ZNF676: variants seen among roughly 807,000 people sequenced by gnomAD.
The protein encoded by ZNF676 is zinc finger protein 676.
A neutral mutation model predicts 6.0 loss-of-function variants in ZNF676; 4 were observed. The ratio of observed to expected loss-of-function variants is 0.67; its 90% CI spans 0.33 to 1.53. ZNF676 has a LOEUF of 1.53. Ranked by LOEUF, ZNF676 falls within the 40% of genes most tolerant of loss-of-function variation. The pLI is 0.06. For synonymous variants in ZNF676, 198 were observed against 223.1 expected (o/e 0.89, Z 1.00); for missense variants, 644 against 679.7 (o/e 0.95, Z 0.58).
At chr19:22,195,027 T>C (rs1044826181) in intron 1 of ZNF676, among the ~76,000 whole-genome samples, 11 of 152,330 alleles carry the variant, frequency 7.2e-5, no homozygotes, top group East Asian at 1.9e-4. Context: ...CCAGGAGTAG[T>C]TGACTCCAAT....
chr19:22,197,965 A>G (rs1225972329), upstream of ZNF676, among the ~76,000 whole-genome samples: 2 of 152,186 alleles, frequency 1.3e-5, no homozygotes, highest in African/African-American at 2.4e-5. Context: ...CAAGATAGAG[A>G]TATCTCCCAT....
At chr19:22,190,760 A>G (rs1260822617) in intron 2 of ZNF676, among the ~76,000 whole-genome samples, 2 of 150,266 alleles carry the variant, frequency 1.3e-5, no homozygotes, top group Admixed American at 6.7e-5. Flanking sequence ...ATTTGTTACC[A>G]AATCATTCAG....
the ZNF676 span, among the ~76,000 whole-genome samples, chr19:22,241,845 A>C: frequency 6.6e-6 from 1 of 151,900 alleles, no homozygotes; most frequent in Non-Finnish European, 1.5e-5. Flanking sequence ...TACATATGAC[A>C]GTCACAATTC....
upstream of ZNF676, among the ~76,000 whole-genome samples, chr19:22,199,079 T>C (rs1248656698): frequency 6.6e-6 from 1 of 152,030 alleles, no homozygotes; most frequent in Non-Finnish European, 1.5e-5. Context: ...CAGGTGATAC[T>C]AATTAGAAGC....
intron 2 of ZNF676, among the ~76,000 whole-genome samples, chr19:22,188,909 G>A (rs975463304): frequency 8.6e-5 from 13 of 152,000 alleles, no homozygotes; most frequent in South Asian, 2.1e-4. Context: ...AATCAATATC[G>A]TGAAAATGGC....
chr19:22,204,087 A>T (rs1006546373), intron 1 of ZNF676: 1 of 152,296 alleles, frequency 6.6e-6, no homozygotes, highest in East Asian at 1.9e-4. Flanking sequence ...GAGCTATTAC[A>T]GTTTTTGAGT....
the ZNF676 span, among the ~76,000 whole-genome samples, chr19:22,233,915 C>T: frequency 6.6e-6 from 1 of 152,236 alleles, no homozygotes; most frequent in Admixed American, 6.5e-5. Flanking sequence ...ATACAAATAT[C>T]TTCACAGTTT....
chr19:22,180,178 G>A lies in ZNF676; in HGVS notation c.1539C>T (p.Ala513=). 3 of 1,611,274 alleles carry A rather than the reference G, an allele frequency of 1.9e-6. No homozygotes were observed. Among genetic ancestry groups the A allele is most frequent in the Admixed American group, 1.7e-5 (1 of 59,780 alleles). ...KRYKCEECGK[A]FSWSSILTEH... ...CAGTAAGGATCGAGGACCAGCTGAAGGCTTTGCCACATTCTTCACATTTGT... is the reference window on the plus strand; with the variant it reads ...CAGTAAGGATCGAGGACCAGCTGAAAGCTTTGCCACATTCTTCACATTTGT... The change falls in exon 3 of 3, where the codon GCC becomes GCT. Residue 513 remains alanine, a synonymous_variant. Transcript: ENST00000397121.
intron 1 of ZNF676, chr19:22,203,999 C>A (rs2024051883): frequency 6.6e-6 from 1 of 152,190 alleles, no homozygotes; most frequent in African/African-American, 2.4e-5. Flanking sequence ...CTTCCACCAG[C>A]ACTTTTTTAT....
At chr19:22,203,297 C>T (rs1311618252) in intron 1 of ZNF676, 3 of 153,144 alleles carry the variant, frequency 2.0e-5, no homozygotes, top group African/African-American at 4.8e-5. Flanking sequence ...AGAGATAGCT[C>T]TGAGAGTTCT....
chr19:22,252,593 G>T, the ZNF676 span, among the ~76,000 whole-genome samples: 62 of 152,326 alleles, frequency 4.1e-4, no homozygotes, highest in African/African-American at 1.2e-3. Context: ...GGGTGAGCCA[G>T]AGAGTAATAT....
chr19:22,185,783 G>C (rs979848478), intron 2 of ZNF676, among the ~76,000 whole-genome samples: 7 of 152,154 alleles, frequency 4.6e-5, no homozygotes, highest in African/African-American at 1.7e-4. Flanking sequence ...AAGGATATCA[G>C]AGATTGAAGA....
chr19:22,247,977 A>G, the ZNF676 span, among the ~76,000 whole-genome samples: 1 of 139,616 alleles, frequency 7.2e-6, no homozygotes, highest in African/African-American at 2.7e-5. Flanking sequence ...ATTCCCACCT[A>G]TGAGTGAGAA....
the ZNF676 span, among the ~76,000 whole-genome samples, chr19:22,234,942 G>A: frequency 1.4e-5 from 2 of 141,436 alleles, no homozygotes; most frequent in East Asian, 4.1e-4. Context: ...CAAAAAGAAG[G>A]AAAGAAAGAA....
chr19:22,191,081 T>G (rs1440914310), intron 2 of ZNF676, among the ~76,000 whole-genome samples: 1 of 152,140 alleles, frequency 6.6e-6, no homozygotes, highest in East Asian at 1.9e-4. Flanking sequence ...CTACATGGTA[T>G]AGAAAGGTTG....
chr19:22,224,944 A>G, the ZNF676 span, among the ~76,000 whole-genome samples: 23 of 152,194 alleles, frequency 1.5e-4, no homozygotes, highest in African/African-American at 5.1e-4. Flanking sequence ...GAAGTGAGCC[A>G]TAATTTTGCC....
At chr19:22,193,958 C>T (rs1216718512) in intron 1 of ZNF676, among the ~76,000 whole-genome samples, 5 of 152,158 alleles carry the variant, frequency 3.3e-5, no homozygotes, top group East Asian at 1.9e-4. Flanking sequence ...GTTGCACTTG[C>T]TTATCCGCCA....
the ZNF676 span, among the ~76,000 whole-genome samples, chr19:22,229,727 A>G: frequency 2.0e-5 from 3 of 152,236 alleles, no homozygotes; most frequent in Non-Finnish European, 2.9e-5. Context: ...ACATTTATGC[A>G]GCCAACAAAC....
exon 1 of ZNF676, chr19:22,215,720 G>C: frequency 6.4e-7 from 1 of 1,551,026 alleles, no homozygotes; most frequent in African/African-American, 1.4e-5. Flanking sequence ...TGGGACTCTA[G>C]GAACAGTAAG....
Sources: gnomAD v4.1 joint callset for allele counts (sites outside exome capture counted in the v4.1 genomes callset) on GRCh38, gnomAD v4.1.1 for gene constraint, MANE v1.5 for transcripts, NCBI Gene and HGNC (gene_info 2026-07-23, HGNC 2026-07-21) for gene names.